ANKDD1B: variants seen among roughly 807,000 people sequenced by gnomAD.
ANKDD1B encodes the protein ankyrin repeat and death domain containing 1B.
Under a neutral mutation model 59.7 loss-of-function variants are expected in ANKDD1B, and 57 were observed. That is an observed-to-expected ratio of 0.95 (90% CI 0.77 to 1.19). The LOEUF (loss-of-function observed/expected upper bound fraction) is 1.19. ANKDD1B is among the 50% of genes most tolerant of loss of function. ANKDD1B has a pLI of 0.00. For missense variants in ANKDD1B, 602 were observed against 641.9 expected (o/e 0.94, Z 0.67); for synonymous variants, 216 against 239.5 (o/e 0.90, Z 0.91).
intron 7 of ANKDD1B, among the ~76,000 whole-genome samples, chr5:75,640,444 C>T (rs955205081): frequency 1.3e-5 from 2 of 152,218 alleles, no homozygotes; most frequent in African/African-American, 4.8e-5. Context: ...TGTGCCAAAG[C>T]ATATAGTCTT....
intron 5 of ANKDD1B, among the ~76,000 whole-genome samples, chr5:75,631,654 A>C (rs768301483): frequency 3.3e-5 from 5 of 152,202 alleles, no homozygotes; most frequent in African/African-American, 4.8e-5. Flanking sequence ...GTCCAAAGAC[A>C]ATACCTCCTG....
intron 5 of ANKDD1B, among the ~76,000 whole-genome samples, chr5:75,634,263 TA>T (rs35175160): frequency 6.6e-6 from 1 of 152,194 alleles, no homozygotes; most frequent in Non-Finnish European, 1.5e-5. Context: ...GCTTATCTTC[TA>T]AAAAAATCAA....
chr5:75,630,897 A>G (rs1774134567), intron 5 of ANKDD1B, among the ~76,000 whole-genome samples: 1 of 152,208 alleles, frequency 6.6e-6, no homozygotes, highest in Non-Finnish European at 1.5e-5. Context: ...CAGGTTTAAT[A>G]TCCTTATGGA....
chr5:75,629,610 C>CAA (rs10629729), intron 5 of ANKDD1B, among the ~76,000 whole-genome samples: 8,608 of 146,188 alleles, frequency 0.059, 760 homozygotes, highest in African/African-American at 0.2. Flanking sequence ...ACTTAACATG[C>CAA]AAAAAAAAAA....
At chr5:75,631,427 G>T (rs554442161) in intron 5 of ANKDD1B, among the ~76,000 whole-genome samples, 1 of 152,336 alleles carries the variant, frequency 6.6e-6, no homozygotes, top group Admixed American at 6.5e-5. Flanking sequence ...AACTACAGAT[G>T]AATTATAAAT....
intron 7 of ANKDD1B, among the ~76,000 whole-genome samples, chr5:75,640,247 G>A (rs143308914): frequency 0.014 from 2,062 of 152,182 alleles, 45 homozygotes; most frequent in African/African-American, 0.044. Flanking sequence ...GCTTTGCCAC[G>A]TTGCCCAGGC....
At chr5:75,665,199 C>G (rs1561452165) in intron 11 of ANKDD1B, among the ~76,000 whole-genome samples, 1 of 152,194 alleles carries the variant, frequency 6.6e-6, no homozygotes, top group Non-Finnish European at 1.5e-5. Context: ...TTTTGGCAGG[C>G]AAGCTATTTA....
chr5:75,663,510 C>T lies in ANKDD1B; in HGVS notation c.1191+21C>T, dbSNP rs1015401167. On this transcript the variant is annotated intron_variant, in intron 11 of 13. Coordinates refer to ENST00000601380, the MANE Select transcript of ANKDD1B (RefSeq NM_001276713.2). ...GAGAGGTAAGGAAGGACGATCCCAG[C>T]ACAGCAGGGGCTTTCCTGGCAACAC... The T allele has an allele frequency of 3.3e-6, 5 of 1,522,258 alleles. No individual in the cohort carries two copies. In the African/African-American group the frequency reaches 5.5e-5, roughly 17 times the overall value. 94.3% of individuals were successfully genotyped at this position (1,522,258 alleles called of 1,614,324 possible). A position where few individuals can be genotyped will look rare whatever the true frequency, so the allele number is the denominator to read the frequency against.
chr5:75,667,011 G>A lies in ANKDD1B; in HGVS notation c.1393+18G>A, dbSNP rs997083979. On this transcript the variant is annotated intron_variant, in intron 12 of 13. Coordinates refer to ENST00000601380, the MANE Select transcript of ANKDD1B (RefSeq NM_001276713.2). ...GTGGTCGGGTGAGTACAGACTAGAT[G>A]ATGTGGGCAGGAGGAATTCACTGTT... 44 of 1,409,506 alleles carry A rather than the reference G, an allele frequency of 3.1e-5. No individual in the cohort carries two copies. Among genetic ancestry groups the A allele is most frequent in the Admixed American group, 8.8e-5 (3 of 34,250 alleles). 87.3% of individuals were successfully genotyped at this position (1,409,506 alleles called of 1,614,324 possible).
At chr5:75,629,735 G>A (rs1031680397) in intron 5 of ANKDD1B, among the ~76,000 whole-genome samples, 2 of 151,874 alleles carry the variant, frequency 1.3e-5, no homozygotes, top group African/African-American at 4.8e-5. Context: ...AGGAGTTTGA[G>A]AACTAGCCTG....
At position 75,611,582 on chromosome 5, in the gene ANKDD1B, A is replaced by C. The variant is rs1166931720; in HGVS notation, c.-53A>C. ...GATCTGTGTCCGAGTCTGGGTCTGG[A>C]TCTGGGTCCGAGTCTGGGTCTGGCC... On this transcript the variant is annotated 5_prime_UTR_variant, in exon 1 of 14. Coordinates refer to ENST00000601380, the MANE Select transcript of ANKDD1B (RefSeq NM_001276713.2). 1 of 1,083,098 alleles carries C rather than the reference A, an allele frequency of 9.2e-7. No individual in the cohort carries two copies. Among genetic ancestry groups the C allele is most frequent in the Non-Finnish European group, 1.1e-6 (1 of 871,612 alleles). 67.1% of individuals were successfully genotyped at this position (1,083,098 alleles called of 1,614,324 possible).
intron 7 of ANKDD1B, among the ~76,000 whole-genome samples, chr5:75,643,298 T>A (rs1251875040): frequency 3.9e-5 from 2 of 51,498 alleles, no homozygotes; most frequent in African/African-American, 2.3e-4. Context: ...CAAATTACTC[T>A]GAGCTACGGG....
intron 2 of ANKDD1B, among the ~76,000 whole-genome samples, chr5:75,618,858 G>A (rs1773778564): frequency 1.3e-5 from 2 of 152,138 alleles, no homozygotes; most frequent in Admixed American, 1.3e-4. Flanking sequence ...CAATTCTCCT[G>A]CCTCAGCCTC....
At chr5:75,623,031 G>A (rs16872639) in intron 3 of ANKDD1B, among the ~76,000 whole-genome samples, 1 of 152,004 alleles carries the variant, frequency 6.6e-6, no homozygotes, top group African/African-American at 2.4e-5. Context: ...GGGAAAAATA[G>A]ATCTCCTATC....
chr5:75,618,174 A>AAAAAC (rs2112954773), intron 2 of ANKDD1B, among the ~76,000 whole-genome samples: 1 of 152,316 alleles, frequency 6.6e-6, no homozygotes, highest in South Asian at 2.1e-4. Context: ...GGAAAAGAGG[A>AAAAAC]AAAAGAAAAG....
chr5:75,641,250 T>C (rs893760497), intron 7 of ANKDD1B, among the ~76,000 whole-genome samples: 1 of 152,212 alleles, frequency 6.6e-6, no homozygotes, highest in African/African-American at 2.4e-5. Context: ...ATCATACAAC[T>C]AGTCAATAGC....
chr5:75,649,499 G>GA, intron 7 of ANKDD1B, among the ~76,000 whole-genome samples: 1 of 151,890 alleles, frequency 6.6e-6, no homozygotes, highest in Middle Eastern at 3.4e-3. Context: ...ACATTTTAAC[G>GA]GTTTCTTTGG....
At chr5:75,635,263 C>A (rs1774268620) in intron 6 of ANKDD1B, 1 of 311,888 alleles carries the variant, frequency 3.2e-6, no homozygotes, top group Admixed American at 4.3e-5. Context: ...AACTCCACCC[C>A]TCTTCTCTCC....
chr5:75,667,831 T>G (rs1278333375), intron 12 of ANKDD1B, among the ~76,000 whole-genome samples: 1 of 152,216 alleles, frequency 6.6e-6, no homozygotes, highest in Non-Finnish European at 1.5e-5. Flanking sequence ...TATTAGGGAT[T>G]GCTGGGAACT....
Sources: gnomAD v4.1 joint callset for allele counts (sites outside exome capture counted in the v4.1 genomes callset) on GRCh38, gnomAD v4.1.1 for gene constraint, MANE v1.5 for transcripts, NCBI Gene and HGNC (gene_info 2026-07-23, HGNC 2026-07-21) for gene names.